The following IGSF21 variants were observed in gnomAD, a reference collection of about 807,000 sequenced individuals.
IGSF21 encodes the protein immunoglobulin superfamily member 21.
Under a neutral mutation model 46.8 loss-of-function variants are expected in IGSF21, and 28 were observed. That is an observed-to-expected ratio of 0.60 (90% CI 0.44 to 0.82). The LOEUF is 0.82. Among genes scored for constraint, IGSF21 ranks in the 40% least tolerant of loss-of-function variants. IGSF21 has a pLI of 0.00. For missense variants in IGSF21, 624 were observed against 665.5 expected (o/e 0.94, Z 0.69); for synonymous variants, 284 against 273.6 (o/e 1.04, Z -0.38).
chr1:18,304,626 G>A (rs2085393082), intron 3 of IGSF21, among the ~76,000 whole-genome samples: 1 of 152,036 alleles, frequency 6.6e-6, no homozygotes, highest in South Asian at 2.1e-4. Context: ...CAGCCTGCTG[G>A]GCAGAATTGC....
At chr1:18,112,685 G>A (rs1364207063) in intron 1 of IGSF21, 2 of 152,390 alleles carry the variant, frequency 1.3e-5, no homozygotes, top group African/African-American at 4.8e-5. Context: ...CCACATGGAT[G>A]TGTCCAGTCT....
At chr1:18,226,327 G>A (rs1178667488) in intron 1 of IGSF21, among the ~76,000 whole-genome samples, 2 of 152,188 alleles carry the variant, frequency 1.3e-5, no homozygotes, top group Non-Finnish European at 2.9e-5. Flanking sequence ...GGAGGGCCGA[G>A]CAATGCCTGG....
At chr1:18,235,219 G>C (rs2084661865) in intron 2 of IGSF21, among the ~76,000 whole-genome samples, 2 of 152,200 alleles carry the variant, frequency 1.3e-5, no homozygotes, top group Non-Finnish European at 2.9e-5. Context: ...AGCATGTCAT[G>C]GCGTTTGTGA....
chr1:18,190,464 C>T (rs1231073487), intron 1 of IGSF21, among the ~76,000 whole-genome samples: 2 of 152,086 alleles, frequency 1.3e-5, no homozygotes, highest in African/African-American at 2.4e-5. Context: ...CTGGCACACA[C>T]TAAGTGTTCA....
intron 2 of IGSF21, among the ~76,000 whole-genome samples, chr1:18,244,704 T>C (rs896936249): frequency 2.0e-5 from 3 of 152,240 alleles, no homozygotes; most frequent in African/African-American, 7.2e-5. Context: ...AAACTGGTAA[T>C]TGCACATTGA....
chr1:18,283,186 G>A (rs1396249554), intron 2 of IGSF21, among the ~76,000 whole-genome samples: 8 of 152,150 alleles, frequency 5.3e-5, no homozygotes, highest in African/African-American at 7.2e-5. Flanking sequence ...GTCTGCCATC[G>A]CACGGTAACC....
At chr1:18,219,415 G>C (rs2124498291) in intron 1 of IGSF21, among the ~76,000 whole-genome samples, 1 of 152,296 alleles carries the variant, frequency 6.6e-6, no homozygotes, top group East Asian at 1.9e-4. Flanking sequence ...TGAATTCAGA[G>C]TGAGGGGAGC....
At chr1:18,369,408 A>G (rs1336307123) in intron 6 of IGSF21, among the ~76,000 whole-genome samples, 1 of 152,164 alleles carries the variant, frequency 6.6e-6, no homozygotes, top group African/African-American at 2.4e-5. Flanking sequence ...TATTATTCCC[A>G]TCTGAGAGGT....
At chr1:18,151,590 A>G (rs2086522640) in intron 1 of IGSF21, among the ~76,000 whole-genome samples, 1 of 152,210 alleles carries the variant, frequency 6.6e-6, no homozygotes, top group East Asian at 1.9e-4. Context: ...CATGCCACAT[A>G]TAACAGGCGG....
intron 2 of IGSF21, among the ~76,000 whole-genome samples, chr1:18,252,067 T>TC (rs386366358): frequency 7.1e-4 from 99 of 138,634 alleles, no homozygotes; most frequent in African/African-American, 2.7e-3. Context: ...TTTTTTTTTT[T>TC]TGAGATGGAG....
intron 3 of IGSF21, among the ~76,000 whole-genome samples, chr1:18,299,175 G>A (rs2085338997): frequency 6.6e-6 from 1 of 152,204 alleles, no homozygotes; most frequent in African/African-American, 2.4e-5. Context: ...GGCCCCATGT[G>A]TGCAAAGGCA....
Position 18,290,343 on chromosome 1 carries a change from C to T in IGSF21, c.184-1523C>T, listed in dbSNP as rs1216599929. Among the ~76,000 whole-genome samples the T allele has an allele frequency of 6.6e-6, 1 of 152,124 alleles. No homozygotes were observed. The highest frequency in any genetic ancestry group is 1.5e-5 in the Non-Finnish European group (1 of 68,034). The stretch of plus-strand genomic sequence containing the variant: ...GGAAGAAAGTGACGCGTGTACATGT[C>T]GCTAAGTCCCGACAGAGATAGGAGG... On this transcript the variant is annotated intron_variant, in intron 2 of 9. Transcript: ENST00000251296. The surrounding 1 kb of genome is among the most constrained non-coding windows in gnomAD (Gnocchi z 4.2).
At chr1:18,302,376 C>G (rs1268058268) in intron 3 of IGSF21, among the ~76,000 whole-genome samples, 1 of 152,168 alleles carries the variant, frequency 6.6e-6, no homozygotes, top group Non-Finnish European at 1.5e-5. Flanking sequence ...AGGGCTGATT[C>G]TTCTCCATGG....
intron 2 of IGSF21, among the ~76,000 whole-genome samples, chr1:18,266,803 G>A (rs758474767): frequency 6.6e-5 from 10 of 152,172 alleles, no homozygotes; most frequent in African/African-American, 1.2e-4. Context: ...AATTCACTAC[G>A]TGACACAGGG....
chr1:18,249,431 G>T (rs2084815377), intron 2 of IGSF21, among the ~76,000 whole-genome samples: 1 of 152,192 alleles, frequency 6.6e-6, no homozygotes, highest in African/African-American at 2.4e-5. Context: ...AGATGGCTGA[G>T]TGAGAACGTG....
chr1:18,165,291 G>A (rs573904349), intron 1 of IGSF21, among the ~76,000 whole-genome samples: 51 of 152,288 alleles, frequency 3.3e-4, no homozygotes, highest in African/African-American at 1.1e-3. Context: ...TGCTGGCAGC[G>A]TTGGTTTCTT....
intron 1 of IGSF21, among the ~76,000 whole-genome samples, chr1:18,136,265 A>G (rs2086366906): frequency 6.6e-6 from 1 of 152,132 alleles, no homozygotes; most frequent in Admixed American, 6.5e-5. Flanking sequence ...TAGTTTAATT[A>G]GATCCCATTT....
At chr1:18,354,686 G>A (rs896660817) in intron 4 of IGSF21, among the ~76,000 whole-genome samples, 1 of 152,036 alleles carries the variant, frequency 6.6e-6, no homozygotes, top group Non-Finnish European at 1.5e-5. Flanking sequence ...GGGAGCCAGA[G>A]TGTGCTAAGC....
rs1032457418 is a variant in IGSF21 at position 18,334,723 on chromosome 1, T to C, written c.306-169T>C. On this transcript the variant is annotated intron_variant, in intron 3 of 9. Coordinates refer to ENST00000251296, the MANE Select transcript of IGSF21 (RefSeq NM_032880.5). The surrounding 1 kb of genome is among the most constrained non-coding windows in gnomAD (Gnocchi z 4.3). ...ACTGTCTGAGATGCCGAGCACAGGG[T>C]CTGCATACAGTCGGTGTTCCATAAA... Among the ~76,000 whole-genome samples, 2 of 152,130 alleles carry C rather than the reference T, an allele frequency of 1.3e-5. No individual in the cohort carries two copies. The highest frequency in any genetic ancestry group is 2.4e-5 in the African/African-American group (1 of 41,424).
Sources: allele counts gnomAD v4.1 joint callset (sites outside exome capture counted in the v4.1 genomes callset), GRCh38; gene constraint gnomAD v4.1.1; non-coding constraint Gnocchi (gnomAD v3.1); transcripts MANE v1.5; gene names NCBI Gene and HGNC (gene_info 2026-07-23, HGNC 2026-07-21).